The following ZNF180 variants were observed in gnomAD, a reference collection of about 807,000 sequenced individuals.
The protein encoded by ZNF180 is zinc finger protein 180 (HHZ168).
Under a neutral mutation model 11.8 loss-of-function variants are expected in ZNF180, and 11 were observed. That is an observed-to-expected ratio of 0.93 (90% CI 0.59 to 1.55). The LOEUF is 1.55. Ranked by LOEUF, ZNF180 falls within the 40% of genes most tolerant of loss-of-function variation. The pLI, the probability that ZNF180 is intolerant of heterozygous loss-of-function variation, is 0.00. For missense variants in ZNF180, 773 were observed against 781.7 expected (o/e 0.99, Z 0.13); for synonymous variants, 287 against 257.7 (o/e 1.11, Z -1.09).
intron 3 of ZNF180, among the ~76,000 whole-genome samples, chr19:44,480,068 C>T (rs566541480): frequency 2.0e-5 from 3 of 152,272 alleles, no homozygotes; most frequent in East Asian, 1.9e-4. Context: ...CTATAAAGGG[C>T]ATATATCTGC....
chr19:44,482,641 T>C (rs913099674), intron 3 of ZNF180, among the ~76,000 whole-genome samples: 1 of 152,150 alleles, frequency 6.6e-6, no homozygotes, highest in Non-Finnish European at 1.5e-5. Context: ...TCTTATCTCA[T>C]ATTGTCTATA....
At chr19:44,485,387 T>C (rs1341583080) in intron 2 of ZNF180, among the ~76,000 whole-genome samples, 2 of 152,176 alleles carry the variant, frequency 1.3e-5, no homozygotes, top group African/African-American at 2.4e-5. Flanking sequence ...AGACCATAAG[T>C]TCACATGGAT....
chr19:44,492,408 T>C (rs1037884437), intron 2 of ZNF180, among the ~76,000 whole-genome samples: 5 of 152,194 alleles, frequency 3.3e-5, no homozygotes, highest in Non-Finnish European at 7.3e-5. Flanking sequence ...GTCACCTCTC[T>C]AGGTCATAAA....
chr19:44,477,363 C>A lies in ZNF180; in HGVS notation c.1037G>T (p.Arg346Ile), dbSNP rs1219703121. ...ATAAGGTTTCTCCCCTGTGTGAGTTCTCTGATGTGCAACAAGATGCGAGCT... is the reference window on the plus strand; with the variant it reads ...ATAAGGTTTCTCCCCTGTGTGAGTTATCTGATGTGCAACAAGATGCGAGCT... Reference protein sequence around the residue: ...SWSSHLVAHQRTHTGEKPYEC... With the variant: ...SWSSHLVAHQITHTGEKPYEC... Residue 346 changes from arginine (R) to isoleucine (I), a missense_variant, in exon 5 of 5, where the codon AGA becomes ATA. By Grantham distance (97) the Arg-to-Ile change is moderately conservative. Coordinates refer to ENST00000592529, the MANE Select transcript of ZNF180 (RefSeq NM_001278509.3). The A allele has an allele frequency of 6.2e-7, 1 of 1,613,988 alleles. No homozygotes were observed. The highest frequency in any genetic ancestry group is 8.5e-7 in the Non-Finnish European group (1 of 1,180,014).
At position 44,477,891 on chromosome 19, in the gene ZNF180, T is replaced by A; in HGVS notation, c.509A>T (p.Glu170Val). The A allele has an allele frequency of 3.1e-6, 5 of 1,613,964 alleles. No homozygotes were observed. The highest frequency in any genetic ancestry group is 4.2e-6 in the Non-Finnish European group (5 of 1,179,990). The part of the protein sequence containing the change: ...ERVCKSDETG[E>V]KSGLNSSLFS... ...TAGACTGGAATTCAGACCACTCTTC[T>A]CCCCAGTTTCATCACTTTTGCAGAC... The change falls in exon 5 of 5, where the codon GAG becomes GTG. Residue 170 changes from glutamate (E) to valine (V), a missense_variant. Coordinates refer to ENST00000592529, the MANE Select transcript of ZNF180 (RefSeq NM_001278509.3).
At chr19:44,489,912 AAAAG>A (rs59075695) in intron 2 of ZNF180, among the ~76,000 whole-genome samples, 70,914 of 140,542 alleles carry the variant, frequency 0.5, 18,928 homozygotes, top group South Asian at 0.68. Flanking sequence ...AGAGAAAAGA[AAAAG>A]AAAGAAAGAG....
In ZNF180 at chr19:44,497,344, C is replaced by T. The variant is rs775714703; in HGVS notation, c.-10G>A. 1.3e-6 allele frequency: 2 copies of T among 1,597,850 alleles called. No homozygotes were observed. The highest frequency in any genetic ancestry group is 2.7e-5 in the African/African-American group (2 of 73,844). ...CATCCTGCTCTTCCATGCTCTCCTC[C>T]AGGCACAGCAGGGTGCTGAGGTCCT... On this transcript the variant is annotated 5_prime_UTR_variant, in exon 2 of 5. Coordinates refer to ENST00000592529, the MANE Select transcript of ZNF180 (RefSeq NM_001278509.3).
rs746329040 is a variant in ZNF180 at position 44,497,425 on chromosome 19, C to T, written c.-43-48G>A. On this transcript the variant is annotated intron_variant, in intron 1 of 4. Coordinates refer to ENST00000592529, the MANE Select transcript of ZNF180 (RefSeq NM_001278509.3). ...CATGAAGATGTAGGTCTGCCGGAACCGCTGGGCCCCCCACCCCCATTAGCC... is the reference window on the plus strand; with the variant it reads ...CATGAAGATGTAGGTCTGCCGGAACTGCTGGGCCCCCCACCCCCATTAGCC... 80 of 1,523,466 alleles carry T rather than the reference C, an allele frequency of 5.3e-5. 1 individual carries two copies. In the East Asian group the frequency reaches 1.5e-3, roughly 29 times the overall value. The allele number at this position is 1,523,466 out of a possible 1,614,324, so 94.4% of individuals were successfully genotyped here.
In ZNF180 at chr19:44,484,498, C is replaced by T. The variant is rs1970172033; in HGVS notation, c.52-63G>A. ...CAGGGAGCTAAGTGGCAGCTCAAAT[C>T]TCCTCCGGTCAGTGGGCTAAGATTT... On this transcript the variant is annotated intron_variant, in intron 2 of 4. Transcript: ENST00000592529. 3.4e-5 allele frequency: 40 copies of T among 1,185,108 alleles called. No individual in the cohort carries two copies. The Middle Eastern group carries it at 7.5e-4, about 22-fold the overall frequency. 73.4% of individuals were successfully genotyped at this position (1,185,108 alleles called of 1,614,324 possible).
In ZNF180 at chr19:44,476,451, A is replaced by G. The variant is rs779783352; in HGVS notation, c.1949T>C (p.Ile650Thr). Residue 650 changes from isoleucine to threonine, a missense_variant, in exon 5 of 5, where the codon ATT becomes ACT. Ile to Thr is a moderately conservative substitution (Grantham distance 89). Transcript: ENST00000592529. The stretch of plus-strand genomic sequence containing the variant: ...TTCAGTATGAGTTGCCTGATGCCTA[A>G]TAAGTTTATAGCTATTAATGAAAGC... ...GKAFINSYKL[I>T]RHQATHTEEK... 2.5e-6 allele frequency: 4 copies of G among 1,611,390 alleles called. No homozygotes were observed. Among genetic ancestry groups the G allele is most frequent in the Admixed American group, 1.7e-5 (1 of 59,770 alleles).
intron 2 of ZNF180, among the ~76,000 whole-genome samples, chr19:44,491,094 T>C (rs895713395): frequency 2.6e-5 from 4 of 152,222 alleles, no homozygotes; most frequent in African/African-American, 9.6e-5. Flanking sequence ...TACTGACACA[T>C]AGCAGGCTCT....
chr19:44,497,461 GGATGCAGGAT>G, intron 1 of ZNF180, 84 bp from the exon 2 acceptor site: 1 of 1,321,720 alleles, frequency 7.6e-7, no homozygotes. Context: ...CCTGCTCCCA[GGATGCAGGAT>G]GCATTCCCAT....
chr19:44,499,156 GC>G (rs1970667493), intron 1 of ZNF180, among the ~76,000 whole-genome samples: 1 of 152,148 alleles, frequency 6.6e-6, no homozygotes, highest in South Asian at 2.1e-4. Context: ...TCCATAATCA[GC>G]CCCAGGACTT....
rs769810905 is a variant in ZNF180 at position 44,477,094 on chromosome 19, T to C, written c.1306A>G (p.Lys436Glu). 1.9e-6 allele frequency: 3 copies of C among 1,613,848 alleles called. No individual in the cohort carries two copies. Among genetic ancestry groups the C allele is most frequent in the Non-Finnish European group, 2.5e-6 (3 of 1,179,890 alleles). Residue 436 changes from lysine (K) to glutamate (E), a missense_variant, in exon 5 of 5, where the codon AAG (lysine) becomes GAG (glutamate). Physicochemically the swap from Lys to Glu is moderately conservative, Grantham distance 56. Coordinates refer to ENST00000592529, the MANE Select transcript of ZNF180 (RefSeq NM_001278509.3). The part of the protein sequence containing the change: ...IAHQRTHTGE[K>E]PYECNQCGKS... ...CCACATTGATTACATTCATAGGGCT[T>C]CTCTCCGGTATGTGTTCTTTGATGT... is the stretch of plus-strand genomic sequence containing the variant.
chr19:44,477,945 G>A lies in ZNF180; in HGVS notation c.455C>T (p.Thr152Ile), dbSNP rs776256875. ...CTCATGAATAACTGCTTTCCTTTGA[G>A]TGAATGCCACTTCCTGCAAAAGTAT... ...QEILLQEVAF[T>I]QRKAVIHERV... Residue 152 changes from threonine to isoleucine, a missense_variant, in exon 5 of 5, where the codon ACT (threonine) becomes ATT (isoleucine). Thr to Ile is a moderately conservative substitution (Grantham distance 89). Coordinates refer to ENST00000592529, the MANE Select transcript of ZNF180 (RefSeq NM_001278509.3). The A allele has an allele frequency of 3.7e-6, 6 of 1,613,968 alleles. No homozygotes were observed. In the Admixed American group the frequency reaches 1.0e-4, roughly 27 times the overall value.
chr19:44,475,916 A>G lies in ZNF180; in HGVS notation c.*486T>C, dbSNP rs1969853370. The G allele has an allele frequency of 6.5e-6, 1 of 153,486 alleles. No homozygotes were observed. Among genetic ancestry groups the G allele is most frequent in the Non-Finnish European group, 1.5e-5 (1 of 68,952 alleles). 9.5% of individuals were successfully genotyped at this position (153,486 alleles called of 1,614,324 possible). ...CAACAGCAAGTGCTGTAAGGAACAG[A>G]TTACAAGCTATCTAATTGGAAGATC... On this transcript the variant is annotated 3_prime_UTR_variant, in exon 5 of 5. Transcript: ENST00000592529.
At chr19:44,492,401 A>G (rs942217274) in intron 2 of ZNF180, among the ~76,000 whole-genome samples, 1 of 151,980 alleles carries the variant, frequency 6.6e-6, no homozygotes, top group Non-Finnish European at 1.5e-5. Context: ...TTCAACAGTC[A>G]CCTCTCTAGG....
chr19:44,494,232 CA>C (rs1970520998), intron 2 of ZNF180, among the ~76,000 whole-genome samples: 1 of 152,084 alleles, frequency 6.6e-6, no homozygotes. Flanking sequence ...GTTAGGCAGT[CA>C]ATAAATATGT....
intron 1 of ZNF180, among the ~76,000 whole-genome samples, 190 bp from the exon 2 acceptor site, chr19:44,497,567 T>C (rs2254344): frequency 0.41 from 61,540 of 151,766 alleles, 12,877 homozygotes; most frequent in African/African-American, 0.46. Flanking sequence ...CTCTCCCAGG[T>C]CAAGTTTCTG....
Sources: allele counts gnomAD v4.1 joint callset (sites outside exome capture counted in the v4.1 genomes callset), GRCh38; gene constraint gnomAD v4.1.1; transcripts MANE v1.5; gene names NCBI Gene and HGNC (gene_info 2026-07-23, HGNC 2026-07-21).